The following MTFR2 variants were observed in gnomAD, a reference collection of about 807,000 sequenced individuals.
MTFR2 encodes the protein DUF729 domain-containing protein 1.
MTFR2 carries 44 observed loss-of-function variants against 41.2 expected under a neutral mutation model. The ratio of observed to expected loss-of-function variants is 1.07; its 90% CI spans 0.84 to 1.37. The LOEUF (loss-of-function observed/expected upper bound fraction) is 1.37, where lower values mean the gene tolerates loss of function less well. Ranked by LOEUF, MTFR2 falls within the 40% of genes most tolerant of loss-of-function variation. The pLI, the probability that MTFR2 is intolerant of heterozygous loss-of-function variation, is 0.00. For synonymous variants in MTFR2, 141 were observed against 154.6 expected, an observed-to-expected ratio of 0.91 and a Z score of 0.65; for missense variants, 452 against 459.5, an observed-to-expected ratio of 0.98 and a Z score of 0.15.
intron 1 of MTFR2, among the ~76,000 whole-genome samples, chr6:136,249,399 A>C (rs1212430796): frequency 6.6e-6 from 1 of 152,184 alleles, no homozygotes; most frequent in Non-Finnish European, 1.5e-5. Context: ...GTTAATAGAG[A>C]CCAATCAACA....
At chr6:136,248,160 G>T (rs986634007) in intron 2 of MTFR2, among the ~76,000 whole-genome samples, 3 of 151,988 alleles carry the variant, frequency 2.0e-5, no homozygotes, top group Non-Finnish European at 4.4e-5. Flanking sequence ...TATCTTTATT[G>T]TTTCTTATTC....
intron 6 of MTFR2, among the ~76,000 whole-genome samples, chr6:136,238,962 G>A (rs930409923): frequency 6.6e-6 from 1 of 152,126 alleles, no homozygotes; most frequent in Non-Finnish European, 1.5e-5. Context: ...CAGCTACTAA[G>A]GAAGCTGAGG....
intron 2 of MTFR2, 131 bp from the exon 3 acceptor site, chr6:136,245,000 A>ATT: frequency 1.7e-6 from 1 of 590,148 alleles, no homozygotes; most frequent in Non-Finnish European, 2.9e-6. Flanking sequence ...GGAGTCCTGT[A>ATT]AAATAACATT....
chr6:136,241,443 C>T lies in MTFR2; in HGVS notation c.514+1G>A, dbSNP rs1285917315. 2 of 1,608,086 alleles carry T rather than the reference C, an allele frequency of 1.2e-6. No individual in the cohort carries two copies. Among genetic ancestry groups the T allele is most frequent in the African/African-American group, 1.3e-5 (1 of 74,790 alleles). On this transcript the variant is annotated splice_donor_variant, in intron 5 of 7. Transcript: ENST00000420702. LOFTEE classifies it high-confidence loss of function. ...GAAACAAAAATCCTACTGTTACTTA[C>T]TAGAATTTGTACTATTTTTCAGTTC...
intron 7 of MTFR2, among the ~76,000 whole-genome samples, chr6:136,232,121 A>G (rs1477561248): frequency 6.6e-6 from 1 of 152,202 alleles, no homozygotes; most frequent in East Asian, 1.9e-4. Flanking sequence ...TAGTTAAAAG[A>G]ATATAATTTT....
Position 136,242,925 on chromosome 6 carries a change from C to A in MTFR2, c.217G>T (p.Val73Phe). Reference sequence around the variant, plus strand: ...TACAAAATATCAGCAAAAGATGGAACCATAGATCCACAATTATCAGAGTCT... The same window carrying A: ...TACAAAATATCAGCAAAAGATGGAAACATAGATCCACAATTATCAGAGTCT... ...SVDSDNCGSMVPSFADILYVA... is the reference protein window; with the variant it reads ...SVDSDNCGSMFPSFADILYVA... Residue 73 changes from valine to phenylalanine, a missense_variant, in exon 4 of 8, where the codon GTT becomes TTT. By Grantham distance (50) the Val-to-Phe change is conservative. Coordinates refer to ENST00000420702, the MANE Select transcript of MTFR2 (RefSeq NM_001099286.3). The A allele has an allele frequency of 1.2e-6, 2 of 1,613,016 alleles. No homozygotes were observed. The highest frequency in any genetic ancestry group is 1.7e-6 in the Non-Finnish European group (2 of 1,179,784).
rs747256886 is a variant in MTFR2 at position 136,242,928 on chromosome 6, T to C, written c.214A>G (p.Met72Val). ...AAAATATCAGCAAAAGATGGAACCA[T>C]AGATCCACAATTATCAGAGTCTACA... ...NSVDSDNCGS[M>V]VPSFADILYV... The change falls in exon 4 of 8, where the codon ATG (methionine) becomes GTG (valine). Residue 72 changes from methionine to valine, a missense_variant. Transcript: ENST00000420702. 32 of 1,613,008 alleles carry C rather than the reference T, an allele frequency of 2.0e-5. No homozygotes were observed. The South Asian group carries it at 2.3e-4, about 12-fold the overall frequency.
chr6:136,244,746 T>C lies in MTFR2; in HGVS notation c.168+19A>G. ...TATTTTGTACTTGGTACTTAAACAA[T>C]TTATGTTGACTGACTTACCTCAAAA... On this transcript the variant is annotated intron_variant, in intron 3 of 7. Coordinates refer to ENST00000420702, the MANE Select transcript of MTFR2 (RefSeq NM_001099286.3). 6.5e-7 allele frequency: 1 copy of C among 1,548,820 alleles called. No individual in the cohort carries two copies. Among genetic ancestry groups the C allele is most frequent in the Admixed American group, 1.7e-5 (1 of 59,540 alleles).
intron 6 of MTFR2, among the ~76,000 whole-genome samples, chr6:136,236,558 C>G (rs966367259): frequency 6.6e-6 from 1 of 152,178 alleles, no homozygotes; most frequent in Non-Finnish European, 1.5e-5. Flanking sequence ...CCACTTGATA[C>G]TAAGCCCGAC....
chr6:136,247,537 C>T lies in MTFR2; in HGVS notation c.63+1500G>A, dbSNP rs144071575. The T allele has an allele frequency of 4.9e-4, 225 of 456,134 alleles. 3 individuals are homozygous for T. The East Asian group carries it at 0.013, about 26-fold the overall frequency. The allele number at this position is 456,134 out of a possible 1,614,324, so 28.3% of individuals were successfully genotyped here. ...CTGTCTGTTTCTTCCAGAGTGATGACAAATATGCTGAAGTTACTTCTAACT... is the reference window on the plus strand; with the variant it reads ...CTGTCTGTTTCTTCCAGAGTGATGATAAATATGCTGAAGTTACTTCTAACT... On this transcript the variant is annotated intron_variant, in intron 2 of 7. Coordinates refer to ENST00000420702, the MANE Select transcript of MTFR2 (RefSeq NM_001099286.3).
intron 1 of MTFR2, among the ~76,000 whole-genome samples, chr6:136,249,478 A>G (rs1475036754): frequency 6.6e-6 from 1 of 152,178 alleles, no homozygotes; most frequent in African/African-American, 2.4e-5. Flanking sequence ...CTTTCCTGAA[A>G]GCTTTGGGCT....
At chr6:136,245,043 C>T (rs1780181981) in intron 2 of MTFR2, among the ~76,000 whole-genome samples, 174 bp from the exon 3 acceptor site, 1 of 151,738 alleles carries the variant, frequency 6.6e-6, no homozygotes. Flanking sequence ...ATGGCAGAGC[C>T]TTTCTTCAAA....
In MTFR2 at chr6:136,233,523, A is replaced by C. The variant is rs9494488; in HGVS notation, c.870-24T>G. The C allele has an allele frequency of 1.1e-3, 1,639 of 1,457,898 alleles. 10 individuals carry two copies. The African/African-American group carries it at 0.02, about 18-fold the overall frequency. The allele number at this position is 1,457,898 out of a possible 1,614,324, so 90.3% of individuals were successfully genotyped here. A position where few individuals can be genotyped will look rare whatever the true frequency, so the allele number is the denominator to read the frequency against. On this transcript the variant is annotated intron_variant, in intron 6 of 7. Transcript: ENST00000420702. ...ACCTATTTTTTAAAAAAAAAAATTG[A>C]ATTTATTAAAACTTGGATGTAATTT... is the stretch of plus-strand genomic sequence containing the variant.
Position 136,241,548 on chromosome 6 carries a change from G to C in MTFR2, c.410C>G (p.Ala137Gly), listed in dbSNP as rs200045608. Residue 137 changes from alanine (A) to glycine (G), a missense_variant, in exon 5 of 8, where the codon GCT (alanine) becomes GGT (glycine). Transcript: ENST00000420702. ...TVKNDLPVNE[A>G]AIRKIAALEN... ...AAGGGCAGCTATTTTTCTAATTGCA[G>C]CTTCATTTACAGGCAGGTCATTTTT... 1 of 1,614,108 alleles carries C rather than the reference G, an allele frequency of 6.2e-7. No homozygotes were observed. The highest frequency in any genetic ancestry group is 2.2e-5 in the East Asian group (1 of 44,870).
chr6:136,234,060 G>A (rs1779839914), intron 6 of MTFR2, among the ~76,000 whole-genome samples: 2 of 151,622 alleles, frequency 1.3e-5, no homozygotes, highest in South Asian at 2.1e-4. Context: ...GGCTGGGCAC[G>A]GTAGCTCATG....
chr6:136,232,104 T>C (rs1406205205), intron 7 of MTFR2, among the ~76,000 whole-genome samples: 1 of 152,204 alleles, frequency 6.6e-6, no homozygotes, highest in Non-Finnish European at 1.5e-5. Flanking sequence ...TAAAGTGTCT[T>C]CTTAAATAGT....
intron 7 of MTFR2, 43 bp from the exon 8 acceptor site, chr6:136,231,431 CAAAAA>C: frequency 2.0e-6 from 2 of 983,066 alleles, no homozygotes; most frequent in Admixed American, 5.5e-5. Context: ...ATTCTAATGT[CAAAAA>C]AAAAAAAGAA....
At chr6:136,244,711 T>G in intron 3 of MTFR2, 54 bp downstream of exon 3, 1 of 1,210,530 alleles carries the variant, frequency 8.3e-7, no homozygotes, top group Non-Finnish European at 1.2e-6. Flanking sequence ...CCTGTAAGAG[T>G]ACCTAGGATT....
At chr6:136,247,244 G>A (rs369294155) in intron 2 of MTFR2, among the ~76,000 whole-genome samples, 31 of 152,228 alleles carry the variant, frequency 2.0e-4, no homozygotes, top group African/African-American at 6.0e-4. Flanking sequence ...CCAGCTACGC[G>A]GGAGGCTGGG....
Sources: gnomAD v4.1 joint callset for allele counts (sites outside exome capture counted in the v4.1 genomes callset) on GRCh38, gnomAD v4.1.1 for gene constraint, MANE v1.5 for transcripts, NCBI Gene and HGNC (gene_info 2026-07-23, HGNC 2026-07-21) for gene names.